The following GPR37 variants were observed in gnomAD, a reference collection of about 807,000 sequenced individuals.
GPR37 encodes the protein G protein-coupled receptor 37.
GPR37 carries 20 observed loss-of-function variants against 43.6 expected under a neutral mutation model. That is an observed-to-expected ratio of 0.46 (90% CI 0.32 to 0.67). The LOEUF is 0.67. Among genes scored for constraint, GPR37 ranks in the 30% least tolerant of loss-of-function variants. GPR37 has a pLI of 0.03. For synonymous variants in GPR37, 315 were observed against 322.6 expected, an observed-to-expected ratio of 0.98 and a Z score of 0.25; for missense variants, 724 against 797.2, an observed-to-expected ratio of 0.91 and a Z score of 1.11.
chr7:124,764,632 C>T lies in GPR37; in HGVS notation c.345G>A (p.Arg115=). Residue 115 remains arginine (R), a synonymous_variant, in exon 1 of 2, where the codon AGG becomes AGA. Transcript: ENST00000303921. This position sits in a 1 kb window ranked among gnomAD's most constrained non-coding sequence, Gnocchi z 5.4. ...CTTTCCACCTCCAGGGGCCAGGTGG[C>T]CTGGTTGGAGGTCCCGGGGGTCCGG... ...SAAGPPGPPT[R]PPGPWRWKGA... 6.3e-7 allele frequency: 1 copy of T among 1,590,116 alleles called. No homozygotes were observed.
intron 1 of GPR37, among the ~76,000 whole-genome samples, chr7:124,751,083 T>C (rs1251573835): frequency 6.6e-6 from 1 of 152,088 alleles, no homozygotes; most frequent in African/African-American, 2.4e-5. Flanking sequence ...CATCCAGGCT[T>C]CTGTTTTCAA....
At chr7:124,756,639 G>A (rs1793794683) in intron 1 of GPR37, among the ~76,000 whole-genome samples, 1 of 152,194 alleles carries the variant, frequency 6.6e-6, no homozygotes. Context: ...CAACAAGGTT[G>A]AGTTCATTAT....
chr7:124,761,154 C>CAAAAAAAAAAAAAAA (rs60967099), intron 1 of GPR37, among the ~76,000 whole-genome samples: 1 of 77,470 alleles, frequency 1.3e-5, no homozygotes, highest in African/African-American at 5.3e-5. Flanking sequence ...GACTCCGTCT[C>CAAAAAAAAAAAAAAA]AAAAAAAAAA....
intron 1 of GPR37, among the ~76,000 whole-genome samples, chr7:124,762,459 T>C (rs1424676851): frequency 6.6e-6 from 1 of 150,900 alleles, no homozygotes; most frequent in Non-Finnish European, 1.5e-5. Context: ...TGTCTCTTTC[T>C]TGCATAAGTC....
At position 124,765,543 on chromosome 7, in the gene GPR37, T is replaced by A. The variant is rs986219194; in HGVS notation, c.-567A>T. On this transcript the variant is annotated 5_prime_UTR_variant, in exon 1 of 2. Coordinates refer to ENST00000303921, the MANE Select transcript of GPR37 (RefSeq NM_005302.5). ...CGTTGCAAACAGTCCGAAGCAGCGC[T>A]GATGCGCCGGCGAAACTCTTGCCCC... 2.6e-4 allele frequency: 40 copies of A among 152,368 alleles called. No homozygotes were observed. Among genetic ancestry groups the A allele is most frequent in the African/African-American group, 9.2e-4 (38 of 41,470 alleles). The allele number at this position is 152,368 out of a possible 1,614,324, so 9.4% of individuals were successfully genotyped here.
At position 124,765,282 on chromosome 7, in the gene GPR37, A is replaced by C; in HGVS notation, c.-306T>G. ...TGGCTGACCTTGAAAAGTTGCAATC[A>C]ACACCTGACTGTTGATTACTGTTGA... On this transcript the variant is annotated 5_prime_UTR_variant, in exon 1 of 2. Coordinates refer to ENST00000303921, the MANE Select transcript of GPR37 (RefSeq NM_005302.5). 1 of 333,662 alleles carries C rather than the reference A, an allele frequency of 3.0e-6. No homozygotes were observed. Among genetic ancestry groups the C allele is most frequent in the Non-Finnish European group, 5.4e-6 (1 of 184,670 alleles). The allele number at this position is 333,662 out of a possible 1,614,324, so 20.7% of individuals were successfully genotyped here.
chr7:124,764,647 CG>C lies in GPR37; in HGVS notation c.329del (p.Pro110ArgfsTer61). ...RGAEASAAGP[P>X]GPPTRPPGPW... is the part of the protein sequence containing the mutation. ...GGCCAGGTGGCCTGGTTGGAGGTCC[CG>C]GGGGTCCGGCTGCCGACGCCTCCGC... is the stretch of plus-strand genomic sequence containing the variant. On this transcript the variant is annotated frameshift_variant, in exon 1 of 2. Coordinates refer to ENST00000303921, the MANE Select transcript of GPR37 (RefSeq NM_005302.5). LOFTEE classifies it high-confidence loss of function. The surrounding 1 kb of genome is among the most constrained non-coding windows in gnomAD (Gnocchi z 5.4). 1 of 1,584,014 alleles carries C rather than the reference CG, an allele frequency of 6.3e-7. No homozygotes were observed.
rs1793855257 is a variant in GPR37 at position 124,761,855 on chromosome 7, C to A, written c.1023+2099G>T. On this transcript the variant is annotated intron_variant, in intron 1 of 1. Transcript: ENST00000303921. ...ATTAGGTAGAAATATAGAAATGCTACATATTAAGATGTTCATTCACTATTT... is the reference window on the plus strand; with the variant it reads ...ATTAGGTAGAAATATAGAAATGCTAAATATTAAGATGTTCATTCACTATTT... Among the ~76,000 whole-genome samples the A allele has an allele frequency of 2.6e-5, 4 of 152,032 alleles. No homozygotes were observed. The South Asian group carries it at 8.3e-4, about 32-fold the overall frequency.
At chr7:124,748,567 A>C (rs1310870464) in intron 1 of GPR37, among the ~76,000 whole-genome samples, 1 of 152,188 alleles carries the variant, frequency 6.6e-6, no homozygotes, top group Non-Finnish European at 1.5e-5. Context: ...AGACATAAGA[A>C]GTATATTTAT....
chr7:124,757,788 T>C (rs1298333969), intron 1 of GPR37, among the ~76,000 whole-genome samples: 1 of 119,724 alleles, frequency 8.4e-6, no homozygotes, highest in African/African-American at 3.8e-5. Context: ...ATATTCATCT[T>C]TGGAAACTTT....
At chr7:124,760,707 A>T (rs1793841623) in intron 1 of GPR37, among the ~76,000 whole-genome samples, 1 of 152,230 alleles carries the variant, frequency 6.6e-6, no homozygotes, top group Admixed American at 6.5e-5. Context: ...AGGTTGGTCT[A>T]ATCAGCAAAT....
chr7:124,747,438 A>G, intron 1 of GPR37, 95 bp from the exon 2 acceptor site: 1 of 724,790 alleles, frequency 1.4e-6, no homozygotes, highest in Non-Finnish European at 2.3e-6. Context: ...GTAAAAAAAA[A>G]TATGGATAAA....
chr7:124,752,060 T>A (rs1793740438), intron 1 of GPR37, among the ~76,000 whole-genome samples: 1 of 152,134 alleles, frequency 6.6e-6, no homozygotes, highest in African/African-American at 2.4e-5. Flanking sequence ...CTCTAAGATC[T>A]TTCAAACAAC....
chr7:124,765,089 G>C lies in GPR37; in HGVS notation c.-113C>G. 1.0e-6 allele frequency: 1 copy of C among 999,104 alleles called. No homozygotes were observed. The highest frequency in any genetic ancestry group is 1.4e-6 in the Non-Finnish European group (1 of 723,896). The allele number at this position is 999,104 out of a possible 1,614,324, so 61.9% of individuals were successfully genotyped here. A position where few individuals can be genotyped will look rare whatever the true frequency, so the allele number is the denominator to read the frequency against. ...CATGTCACATACTCACCCCCGCCCG[G>C]GTAGCGGGGAACCGGAGATTAGGGT... is the stretch of plus-strand genomic sequence containing the variant. On this transcript the variant is annotated 5_prime_UTR_variant, in exon 1 of 2. Transcript: ENST00000303921.
chr7:124,764,476 C>G lies in GPR37; in HGVS notation c.501G>C (p.Glu167Asp), dbSNP rs781236623. Residue 167 changes from glutamate (E) to aspartate (D), a missense_variant, in exon 1 of 2, where the codon GAG (glutamate) becomes GAC (aspartate). By Grantham distance (45) the Glu-to-Asp change is conservative (BLOSUM62 2). Coordinates refer to ENST00000303921, the MANE Select transcript of GPR37 (RefSeq NM_005302.5). The surrounding 1 kb of genome is among the most constrained non-coding windows in gnomAD (Gnocchi z 5.4). Reference protein sequence around the residue: ...RGAGISGRSQEQSVKTVPGAS... With the variant: ...RGAGISGRSQDQSVKTVPGAS... The stretch of plus-strand genomic sequence containing the variant: ...CTCCGGGGACTGTCTTCACACTCTG[C>G]TCCTGGCTACGCCCGGAAATGCCAG... 20 of 1,613,572 alleles carry G rather than the reference C, an allele frequency of 1.2e-5. No individual in the cohort carries two copies. The East Asian group carries it at 4.0e-4, about 32-fold the overall frequency.
intron 1 of GPR37, among the ~76,000 whole-genome samples, chr7:124,757,207 T>A (rs546034945): frequency 1.3e-5 from 2 of 152,298 alleles, no homozygotes; most frequent in African/African-American, 4.8e-5. Context: ...AATTTGTATA[T>A]GTTTTGATTT....
At chr7:124,752,796 G>C (rs906648495) in intron 1 of GPR37, among the ~76,000 whole-genome samples, 3 of 152,148 alleles carry the variant, frequency 2.0e-5, no homozygotes, top group African/African-American at 4.8e-5. Flanking sequence ...TTGTCAGTTT[G>C]ACTGTTTATT....
In GPR37 at chr7:124,745,118, T is replaced by A. The variant is rs1793655614; in HGVS notation, c.*1407A>T. ...CTGCACCAATCTCTTTAATGATTTT[T>A]AAATAACATCATGTTATAATTTGGA... On this transcript the variant is annotated 3_prime_UTR_variant, in exon 2 of 2. Transcript: ENST00000303921. The A allele has an allele frequency of 6.6e-6, 1 of 152,222 alleles. No homozygotes were observed. Among genetic ancestry groups the A allele is most frequent in the Admixed American group, 6.5e-5 (1 of 15,272 alleles). The allele number at this position is 152,222 out of a possible 1,614,324, so 9.4% of individuals were successfully genotyped here.
intron 1 of GPR37, among the ~76,000 whole-genome samples, chr7:124,758,822 T>C (rs1203156829): frequency 2.0e-5 from 3 of 152,192 alleles, no homozygotes; most frequent in Non-Finnish European, 2.9e-5. Context: ...AAAATAAAAA[T>C]ACAGTTAGAT....
Sources: gnomAD v4.1 joint callset for allele counts (sites outside exome capture counted in the v4.1 genomes callset) on GRCh38, gnomAD v4.1.1 for gene constraint, Gnocchi (gnomAD v3.1) non-coding constraint, MANE v1.5 for transcripts, NCBI Gene and HGNC (gene_info 2026-07-23, HGNC 2026-07-21) for gene names.